The following DMD variants were observed in gnomAD, a reference collection of about 807,000 sequenced individuals.
DMD encodes mutant dystrophin.
A neutral mutation model predicts 330.1 loss-of-function variants in DMD; 63 were observed. The observed-to-expected ratio is 0.19, with a 90% CI of 0.16 to 0.24. The LOEUF (loss-of-function observed/expected upper bound fraction) is 0.24, where lower values mean the gene tolerates loss of function less well. Ranked by LOEUF, DMD falls within the 10% of genes least tolerant of loss-of-function variation. The pLI is 1.00. For missense variants in DMD, 3,344 were observed against 2,684.1 expected (o/e 1.25, Z -5.43); for synonymous variants, 1,223 against 959.8 (o/e 1.27, Z -5.07).
chrX:32,946,509 C>T (rs1051377267), intron 2 of DMD, among the ~76,000 whole-genome samples: 3 of 111,914 alleles, frequency 2.7e-5, no homozygotes, highest in African/African-American at 9.7e-5. Flanking sequence ...AATTCAATGT[C>T]CGATTCCTGT....
intron 44 of DMD, among the ~76,000 whole-genome samples, chrX:32,117,557 G>A (rs2096616261): frequency 9.0e-6 from 1 of 111,647 alleles, no homozygotes; most frequent in African/African-American, 3.3e-5. Context: ...TTACTGCCAT[G>A]CTCATGTTTT....
chrX:32,445,506 A>T (rs1434487885), intron 27 of DMD, among the ~76,000 whole-genome samples: 1 of 110,928 alleles, frequency 9.0e-6, no homozygotes, highest in Non-Finnish European at 1.9e-5. Flanking sequence ...ATTAATCTAA[A>T]CTTGTGAAAT....
chrX:32,935,567 G>A (rs1473089667), intron 2 of DMD, among the ~76,000 whole-genome samples: 3 of 111,755 alleles, frequency 2.7e-5, no homozygotes, highest in Non-Finnish European at 5.6e-5. Flanking sequence ...TATGAACACT[G>A]TAGCTACGAA....
intron 2 of DMD, among the ~76,000 whole-genome samples, chrX:33,014,371 G>C (rs1270621137): frequency 8.9e-6 from 1 of 112,036 alleles, no homozygotes; most frequent in Admixed American, 9.5e-5. Flanking sequence ...TGGCTATTAA[G>C]CATATCAGCT....
At chrX:32,737,324 G>A (rs1165279698) in intron 7 of DMD, among the ~76,000 whole-genome samples, 1 of 111,348 alleles carries the variant, frequency 9.0e-6, no homozygotes. Flanking sequence ...GTGATTTAGT[G>A]TGAGGAAAGA....
At chrX:32,826,748 A>T (rs2078724015) in intron 4 of DMD, among the ~76,000 whole-genome samples, 1 of 111,285 alleles carries the variant, frequency 9.0e-6, no homozygotes, top group Non-Finnish European at 1.9e-5. Flanking sequence ...AATTACATTT[A>T]ATAGGAATAA....
At chrX:33,249,517 C>A (rs1175883419) in intron 1 of DMD, among the ~76,000 whole-genome samples, 1 of 111,788 alleles carries the variant, frequency 8.9e-6, no homozygotes, top group Non-Finnish European at 1.9e-5. Context: ...GCATTTACTT[C>A]ATAAGACATA....
intron 7 of DMD, among the ~76,000 whole-genome samples, chrX:32,708,029 C>T (rs992192997): frequency 1.8e-5 from 2 of 111,941 alleles, no homozygotes; most frequent in African/African-American, 6.5e-5. Flanking sequence ...TCAGAAGTAA[C>T]TCCACCCCTT....
chrX:31,133,816 C>T (rs1447496403), intron 77 of DMD, among the ~76,000 whole-genome samples: 1 of 111,815 alleles, frequency 8.9e-6, no homozygotes, highest in African/African-American at 3.3e-5. Flanking sequence ...TAAAGGGCAC[C>T]TCATAATTAA....
At chrX:33,129,325 CTTTTTTTTTTTTTTT>C (rs58505662) in intron 1 of DMD, among the ~76,000 whole-genome samples, 33 of 30,722 alleles carry the variant, frequency 1.1e-3, no homozygotes, top group African/African-American at 3.6e-3. Context: ...TTAAGGTTTG[CTTTTTTTTTTTTTTT>C]TTTTTTTTTT....
Position 31,182,961 on chromosome X carries a change from A to C in DMD, c.9808-57T>G. ...CAAAAGGATGAAAGGAAAGAAGGCA[A>C]GATGGCAAAGGAGGTGTATATCAGT... On this transcript the variant is annotated intron_variant, in intron 67 of 78. Transcript: ENST00000357033. 3 of 1,015,440 alleles carry C rather than the reference A, an allele frequency of 3.0e-6. No homozygotes were observed. In the South Asian group the frequency reaches 6.0e-5, roughly 20 times the overall value. The allele number at this position is 1,015,440 out of a possible 1,213,427, so 83.7% of individuals were successfully genotyped here. A position where few individuals can be genotyped will look rare whatever the true frequency, so the allele number is the denominator to read the frequency against.
Position 31,351,191 on chromosome X carries a change from T to C in DMD, c.9085-2557A>G, listed in dbSNP as rs188073793. On this transcript the variant is annotated intron_variant, in intron 60 of 78. Coordinates refer to ENST00000357033, the MANE Select transcript of DMD (RefSeq NM_004006.3). Reference sequence around the variant, plus strand: ...ACACACACACACACATATACATACATACATACATATGTATATTGTTGCTTC... The same window carrying C: ...ACACACACACACACATATACATACACACATACATATGTATATTGTTGCTTC... Among the ~76,000 whole-genome samples the C allele has an allele frequency of 2.7e-5, 3 of 109,417 alleles. No individual in the cohort carries two copies. The Admixed American group carries it at 2.9e-4, about 11-fold the overall frequency.
chrX:32,676,296 T>C (rs2061962861), intron 9 of DMD, among the ~76,000 whole-genome samples: 1 of 111,344 alleles, frequency 9.0e-6, no homozygotes, highest in South Asian at 3.8e-4. Context: ...GCACTTGCTC[T>C]TGTCTTTCCA....
chrX:31,508,280 A>G, intron 55 of DMD: 1 of 1,194,276 alleles, frequency 8.4e-7, no homozygotes, highest in Non-Finnish European at 1.1e-6. Context: ...CCTGTTGCAT[A>G]GCAATCCTGA....
At chrX:31,757,692 G>T (rs1035218714) in intron 51 of DMD, among the ~76,000 whole-genome samples, 4 of 110,015 alleles carry the variant, frequency 3.6e-5, no homozygotes, top group Admixed American at 9.8e-5. Context: ...GAGCCCGCAT[G>T]ACCTAATCAC....
Position 32,382,220 on chromosome X carries a change from C to A in DMD, c.4675-1540G>T, listed in dbSNP as rs923172917. ...GATTTGGCTTTTGTTGCTAAGAAAT[C>A]TGAAAGGTAGACTCCAGATTAATTT... is the stretch of plus-strand genomic sequence containing the variant. On this transcript the variant is annotated intron_variant, in intron 33 of 78. Coordinates refer to ENST00000357033, the MANE Select transcript of DMD (RefSeq NM_004006.3). Among the ~76,000 whole-genome samples, 9 of 111,615 alleles carry A rather than the reference C, an allele frequency of 8.1e-5. No homozygotes were observed. The East Asian group carries it at 1.4e-3, about 17-fold the overall frequency.
chrX:31,440,061 C>T (rs1267948051), intron 60 of DMD, among the ~76,000 whole-genome samples: 3 of 110,701 alleles, frequency 2.7e-5, no homozygotes, highest in African/African-American at 9.9e-5. Flanking sequence ...AGTTAATATA[C>T]CTAAGAATCA....
intron 2 of DMD, among the ~76,000 whole-genome samples, chrX:33,018,951 A>T (rs940445369): frequency 8.9e-6 from 1 of 112,171 alleles, no homozygotes; most frequent in African/African-American, 3.2e-5. Context: ...TTACGTCTGT[A>T]ATAGAAATTT....
intron 30 of DMD, among the ~76,000 whole-genome samples, chrX:32,395,604 C>A (rs748134377): frequency 1.8e-5 from 2 of 111,572 alleles, no homozygotes; most frequent in African/African-American, 6.5e-5. Context: ...AAAACCCATG[C>A]TCTGTGATCA....
Sources: gnomAD v4.1 joint callset for allele counts (sites outside exome capture counted in the v4.1 genomes callset) on GRCh38, gnomAD v4.1.1 for gene constraint, MANE v1.5 for transcripts, NCBI Gene and HGNC (gene_info 2026-07-23, HGNC 2026-07-21) for gene names.